GPHN: variants seen among roughly 807,000 people sequenced by gnomAD.
The protein encoded by GPHN is gephyrin.
GPHN carries 17 observed loss-of-function variants against 95.5 expected under a neutral mutation model. The ratio of observed to expected loss-of-function variants is 0.18; its 90% CI spans 0.12 to 0.27. GPHN has a LOEUF of 0.27. Among genes scored for constraint, GPHN ranks in the 10% least tolerant of loss-of-function variants. The pLI is 1.00. For synonymous variants in GPHN, 320 were observed against 322.5 expected (o/e 0.99, Z 0.08); for missense variants, 660 against 978.1 (o/e 0.67, Z 4.34).
chr14:67,463,873 A>T, the GPHN span, among the ~76,000 whole-genome samples: 2 of 152,134 alleles, frequency 1.3e-5, no homozygotes, highest in Non-Finnish European at 2.9e-5. Flanking sequence ...CAGGGTTAGA[A>T]CAAAAGTCTG....
At chr14:66,518,142 CAAA>C (rs140918454) in intron 1 of GPHN, among the ~76,000 whole-genome samples, 1 of 148,608 alleles carries the variant, frequency 6.7e-6, no homozygotes, top group African/African-American at 2.5e-5. Flanking sequence ...AAAAACAAAA[CAAA>C]AAAAACCCTG....
At chr14:67,154,983 A>T (rs986760634) in intron 18 of GPHN, among the ~76,000 whole-genome samples, 3 of 152,154 alleles carry the variant, frequency 2.0e-5, no homozygotes, top group African/African-American at 7.2e-5. Context: ...TTTTCCTCAA[A>T]GCATTTACTA....
the GPHN span, among the ~76,000 whole-genome samples, chr14:67,291,536 G>A: frequency 5.3e-5 from 8 of 152,134 alleles, no homozygotes; most frequent in African/African-American, 1.9e-4. Context: ...ACCTGTCTGG[G>A]CCTCCCAGAG....
At chr14:67,037,309 T>A (rs1012720582) in intron 10 of GPHN, among the ~76,000 whole-genome samples, 1 of 151,928 alleles carries the variant, frequency 6.6e-6, no homozygotes, top group African/African-American at 2.4e-5. Flanking sequence ...ATCTAATAGT[T>A]AAGTCTAATA....
the GPHN span, chr14:67,692,465 G>A: frequency 1.4e-5 from 23 of 1,613,946 alleles, no homozygotes; most frequent in African/African-American, 5.3e-5. Context: ...GCAAAAGCTC[G>A]AATAGACTTA....
chr14:66,811,996 T>A (rs964422947), intron 3 of GPHN, among the ~76,000 whole-genome samples: 2 of 152,198 alleles, frequency 1.3e-5, no homozygotes, highest in African/African-American at 4.8e-5. Context: ...TCTTAAAACT[T>A]TTAGCCTGAG....
chr14:67,312,426 A>T, the GPHN span: 6 of 857,344 alleles, frequency 7.0e-6, no homozygotes, highest in Admixed American at 7.0e-5. Flanking sequence ...AAATTTTTTT[A>T]AAATTAAAAA....
chr14:67,327,597 G>A, the GPHN span, among the ~76,000 whole-genome samples: 2 of 151,814 alleles, frequency 1.3e-5, no homozygotes, highest in Non-Finnish European at 2.9e-5. Flanking sequence ...CCGTTAACTC[G>A]TCATTTACAT....
chr14:67,316,424 G>T, the GPHN span, among the ~76,000 whole-genome samples: 1 of 152,152 alleles, frequency 6.6e-6, no homozygotes. Flanking sequence ...AATTGAATAT[G>T]TGATGAATGC....
chr14:66,986,552 C>T (rs1377021070), intron 9 of GPHN, among the ~76,000 whole-genome samples: 5 of 152,064 alleles, frequency 3.3e-5, no homozygotes, highest in African/African-American at 7.2e-5. Flanking sequence ...TCTTATGAAA[C>T]ACAGACCAAT....
the GPHN span, chr14:67,271,765 A>T: frequency 6.6e-6 from 1 of 152,228 alleles, no homozygotes; most frequent in Non-Finnish European, 1.5e-5. Flanking sequence ...TTCTTGTGGG[A>T]AATTCTGATA....
chr14:66,956,596 A>G (rs1402358267), intron 8 of GPHN, among the ~76,000 whole-genome samples: 1 of 151,768 alleles, frequency 6.6e-6, no homozygotes, highest in Non-Finnish European at 1.5e-5. Flanking sequence ...GTGAGATGGT[A>G]TCTCATTGTG....
chr14:67,380,235 A>G, the GPHN span, among the ~76,000 whole-genome samples: 1 of 152,200 alleles, frequency 6.6e-6, no homozygotes, highest in African/African-American at 2.4e-5. Context: ...TACTTTTTGC[A>G]TGAAGCCCTT....
intron 13 of GPHN, among the ~76,000 whole-genome samples, chr14:67,105,773 A>T (rs1054356241): frequency 6.6e-6 from 1 of 151,736 alleles, no homozygotes; most frequent in Admixed American, 6.6e-5. Flanking sequence ...CTTTTTTTTT[A>T]AATCCATTCA....
chr14:66,639,286 A>G (rs1442172081), intron 1 of GPHN, among the ~76,000 whole-genome samples: 1 of 152,076 alleles, frequency 6.6e-6, no homozygotes, highest in Non-Finnish European at 1.5e-5. Flanking sequence ...ACTATAAGCT[A>G]AAGGTTTAAA....
chr14:67,064,066 G>T (rs113438344), intron 11 of GPHN, among the ~76,000 whole-genome samples: 1 of 152,078 alleles, frequency 6.6e-6, no homozygotes. Flanking sequence ...ATTGGCTGTG[G>T]GTTTGTCATA....
chr14:67,235,394 T>A, the GPHN span, among the ~76,000 whole-genome samples: 1 of 152,054 alleles, frequency 6.6e-6, no homozygotes, highest in East Asian at 1.9e-4. Flanking sequence ...TTCCAAGCCC[T>A]AAATTACCTA....
chr14:66,509,878 A>G (rs769637388), intron 1 of GPHN, among the ~76,000 whole-genome samples: 8 of 152,166 alleles, frequency 5.3e-5, no homozygotes, highest in Non-Finnish European at 8.8e-5. Flanking sequence ...GCCGGCAGAT[A>G]TTGAGTGCAA....
At chr14:66,937,352 G>T (rs1210423467) in intron 8 of GPHN, among the ~76,000 whole-genome samples, 1 of 151,498 alleles carries the variant, frequency 6.6e-6, no homozygotes, top group Admixed American at 6.6e-5. Flanking sequence ...GATCTCATTA[G>T]GTTTGGGCTG....
Sources: gnomAD v4.1 joint callset for allele counts (sites outside exome capture counted in the v4.1 genomes callset) on GRCh38, gnomAD v4.1.1 for gene constraint, MANE v1.5 for transcripts, NCBI Gene and HGNC (gene_info 2026-07-23, HGNC 2026-07-21) for gene names.